The following ZC3H6 variants were observed in gnomAD, a reference collection of about 807,000 sequenced individuals.
The protein encoded by ZC3H6 is zinc finger CCCH-type containing 6, also known as zinc finger CCCH domain-containing protein 6.
Under a neutral mutation model 107.7 loss-of-function variants are expected in ZC3H6, and 40 were observed. The observed-to-expected ratio is 0.37, with a 90% CI of 0.29 to 0.48. The LOEUF is 0.48. Among genes scored for constraint, ZC3H6 ranks in the 20% least tolerant of loss-of-function variants. ZC3H6 has a pLI of 0.98. For synonymous variants in ZC3H6, 493 were observed against 487.9 expected (o/e 1.01, Z -0.14); for missense variants, 1,267 against 1,410.4 (o/e 0.90, Z 1.63).
At chr2:112,317,858 T>C (rs1250812981) in intron 7 of ZC3H6, among the ~76,000 whole-genome samples, 1 of 152,230 alleles carries the variant, frequency 6.6e-6, no homozygotes, top group African/African-American at 2.4e-5. Context: ...TTCTGCAATT[T>C]TTCCATGTTA....
At chr2:112,310,783 A>G (rs1676578025) in intron 4 of ZC3H6, among the ~76,000 whole-genome samples, 1 of 152,196 alleles carries the variant, frequency 6.6e-6, no homozygotes. Flanking sequence ...GTGGAGCAAT[A>G]TGAGACTGAA....
At chr2:112,292,271 A>G (rs1676136249) in intron 1 of ZC3H6, among the ~76,000 whole-genome samples, 1 of 152,196 alleles carries the variant, frequency 6.6e-6, no homozygotes, top group African/African-American at 2.4e-5. Context: ...AGAGCAGATG[A>G]TTACGTATTC....
rs1285002184 is a variant in ZC3H6, at chr2:112,299,930, A to G, written c.114A>G (p.Glu38=). The G allele has an allele frequency of 2.0e-6, 3 of 1,517,308 alleles. No individual in the cohort carries two copies. The Admixed American group carries it at 6.6e-5, about 34-fold the overall frequency. 94.0% of individuals were successfully genotyped at this position (1,517,308 alleles called of 1,614,324 possible). A position where few individuals can be genotyped will look rare whatever the true frequency, so the allele number is the denominator to read the frequency against. ...AAGAAAAAGAAGCAAAAGAGAATGA[A>G]AAGCAGAAAAGTGAGAAAGCCTACA... ...EIQEKEAKEN[E]KQKSEKAYRK... is the part of the protein sequence containing the mutation. Residue 38 remains glutamate (E), a synonymous_variant, in exon 2 of 12, where the codon GAA becomes GAG. Coordinates refer to ENST00000409871, the MANE Select transcript of ZC3H6 (RefSeq NM_198581.3).
At chr2:112,309,016 C>G (rs1676544383) in intron 3 of ZC3H6, among the ~76,000 whole-genome samples, 1 of 152,004 alleles carries the variant, frequency 6.6e-6, no homozygotes, top group Non-Finnish European at 1.5e-5. Context: ...CATGCCACTG[C>G]ACTCCAGCCT....
chr2:112,291,747 C>T (rs56935503), intron 1 of ZC3H6, among the ~76,000 whole-genome samples: 1 of 152,200 alleles, frequency 6.6e-6, no homozygotes, highest in East Asian at 1.9e-4. Flanking sequence ...GAGACAGAGT[C>T]TCATTCTGTC....
intron 1 of ZC3H6, among the ~76,000 whole-genome samples, chr2:112,276,720 C>T (rs1047842308): frequency 1.3e-5 from 2 of 152,142 alleles, no homozygotes; most frequent in Non-Finnish European, 2.9e-5. Flanking sequence ...ATTTTTTGCT[C>T]TGTGCCTTAA....
At position 112,339,209 on chromosome 2, in the gene ZC3H6, A is replaced by G. The variant is rs1677198299; in HGVS notation, c.*6721A>G. 6.6e-6 allele frequency: 1 copy of G among 152,038 alleles called. No individual in the cohort carries two copies. Among genetic ancestry groups the G allele is most frequent in the African/African-American group, 2.4e-5 (1 of 41,434 alleles). 9.4% of individuals were successfully genotyped at this position (152,038 alleles called of 1,614,324 possible). Reference sequence around the variant, plus strand: ...ACACCTGGCCTAGACTATACCTTTTATACACTTTTTAAATAGAGAAAGTGA... The same window carrying G: ...ACACCTGGCCTAGACTATACCTTTTGTACACTTTTTAAATAGAGAAAGTGA... On this transcript the variant is annotated 3_prime_UTR_variant, in exon 12 of 12. Transcript: ENST00000409871.
Position 112,299,816 on chromosome 2 carries a change from T to C in ZC3H6, c.33-33T>C, listed in dbSNP as rs747448300. The stretch of plus-strand genomic sequence containing the variant: ...TCTTTCTGTAAGATTTGTTTTAGAA[T>C]GATATTTGAAAATTAAAATTTTCCT... On this transcript the variant is annotated intron_variant, in intron 1 of 11. Coordinates refer to ENST00000409871, the MANE Select transcript of ZC3H6 (RefSeq NM_198581.3). 5 of 1,326,174 alleles carry C rather than the reference T, an allele frequency of 3.8e-6. 1 individual carries two copies. The highest frequency in any genetic ancestry group is 7.3e-5 in the Admixed American group (2 of 27,304). 82.2% of individuals were successfully genotyped at this position (1,326,174 alleles called of 1,614,324 possible).
In ZC3H6 at chr2:112,331,933, A is replaced by T. The variant is rs771258192; in HGVS notation, c.3015A>T (p.Ser1005=). The change falls in exon 12 of 12, where the codon TCA becomes TCT. Residue 1005 remains serine, a synonymous_variant. Coordinates refer to ENST00000409871, the MANE Select transcript of ZC3H6 (RefSeq NM_198581.3). ...ACTTACCCAGATCAAACCCTGGTTC[A>T]TCACAGCCCTCAGGGGCAGGAACTA... ...APHLPRSNPG[S]SQPSGAGTSN... The T allele has an allele frequency of 6.2e-7, 1 of 1,614,010 alleles. No individual in the cohort carries two copies. Among genetic ancestry groups the T allele is most frequent in the African/African-American group, 1.3e-5 (1 of 75,074 alleles).
intron 1 of ZC3H6, among the ~76,000 whole-genome samples, chr2:112,291,557 C>T (rs1676118158): frequency 6.6e-6 from 1 of 152,164 alleles, no homozygotes; most frequent in South Asian, 2.1e-4. Context: ...TTATAAATAC[C>T]TTTAAGGAAT....
intron 9 of ZC3H6, among the ~76,000 whole-genome samples, 193 bp from the exon 10 acceptor site, chr2:112,323,959 T>C (rs890999861): frequency 9.2e-5 from 14 of 152,152 alleles, no homozygotes; most frequent in African/African-American, 3.4e-4. Context: ...AAGCAGCAAG[T>C]GGGCTAAAAT....
chr2:112,289,655 C>A lies in ZC3H6; in HGVS notation c.33-10194C>A, dbSNP rs1676062390. 2.0e-5 allele frequency among the ~76,000 whole-genome samples: 3 copies of A among 152,278 alleles called. No individual in the cohort carries two copies. The South Asian group carries it at 6.2e-4, about 32-fold the overall frequency. On this transcript the variant is annotated intron_variant, in intron 1 of 11. Coordinates refer to ENST00000409871, the MANE Select transcript of ZC3H6 (RefSeq NM_198581.3). ...CACTCTTCATCAACTTATCTGGGAC[C>A]CTGAAATGAAATAGGGTGACCCATT...
At position 112,334,362 on chromosome 2, in the gene ZC3H6, TTTATAA is replaced by T. The variant is rs1350857789; in HGVS notation, c.*1879_*1884del. The stretch of plus-strand genomic sequence containing the variant: ...TTTAGCAAATCTTTCATTCATGTAG[TTTATAA>T]TTATTGTGTCAAGCAGTGCTGTTTA... On this transcript the variant is annotated 3_prime_UTR_variant, in exon 12 of 12. Transcript: ENST00000409871. The T allele has an allele frequency of 1.3e-5, 2 of 152,156 alleles. No homozygotes were observed. The highest frequency in any genetic ancestry group is 1.3e-4 in the Admixed American group (2 of 15,282). 9.4% of individuals were successfully genotyped at this position (152,156 alleles called of 1,614,324 possible).
chr2:112,331,800 G>A lies in ZC3H6; in HGVS notation c.2882G>A (p.Gly961Glu). 1 of 1,613,718 alleles carries A rather than the reference G, an allele frequency of 6.2e-7. No individual in the cohort carries two copies. The highest frequency in any genetic ancestry group is 8.5e-7 in the Non-Finnish European group (1 of 1,179,856). The change falls in exon 12 of 12, where the codon GGA becomes GAA. Residue 961 changes from glycine (G) to glutamate (E), a missense_variant. Physicochemically the swap from Gly to Glu is moderately conservative, Grantham distance 98. Transcript: ENST00000409871. Reference protein sequence around the residue: ...GDSHGSGAKLGDPRLQKNFDP... With the variant: ...GDSHGSGAKLEDPRLQKNFDP... The stretch of plus-strand genomic sequence containing the variant: ...TCACACGGTTCAGGAGCTAAATTAG[G>A]AGATCCTAGACTACAAAAAAATTTT...
chr2:112,311,738 A>C lies in ZC3H6; in HGVS notation c.614-66A>C, dbSNP rs1676596682. On this transcript the variant is annotated intron_variant, in intron 4 of 11. Coordinates refer to ENST00000409871, the MANE Select transcript of ZC3H6 (RefSeq NM_198581.3). ...AGACTATTAAAATGTGCTGTTCCTT[A>C]TAAACTAATAAATTGAAAGGTATGC... 3.5e-6 allele frequency: 5 copies of C among 1,431,416 alleles called. No homozygotes were observed. In the South Asian group the frequency reaches 6.4e-5, roughly 18 times the overall value. The allele number at this position is 1,431,416 out of a possible 1,614,324, so 88.7% of individuals were successfully genotyped here.
intron 1 of ZC3H6, among the ~76,000 whole-genome samples, chr2:112,299,053 A>G (rs952734467): frequency 6.6e-6 from 1 of 152,086 alleles, no homozygotes; most frequent in African/African-American, 2.4e-5. Context: ...CGAGGCAGGC[A>G]GATCACGAGG....
chr2:112,276,804 A>G (rs1240450742), intron 1 of ZC3H6, among the ~76,000 whole-genome samples: 6 of 152,252 alleles, frequency 3.9e-5, no homozygotes, highest in South Asian at 2.1e-4. Flanking sequence ...AATTTTGGTT[A>G]TAATTCAAAT....
intron 1 of ZC3H6, among the ~76,000 whole-genome samples, chr2:112,295,599 T>C (rs2104702578): frequency 6.6e-6 from 1 of 152,302 alleles, no homozygotes; most frequent in South Asian, 2.1e-4. Flanking sequence ...TCCACATGCG[T>C]CCAAAGCTGA....
rs1365088032 is a variant in ZC3H6 at position 112,275,980 on chromosome 2, C to G, written c.-15C>G. ...GCAGACCTGCCCTCCAGCCCCGCCC[C>G]GTTCTTGACCAAACATGACAGACTC... On this transcript the variant is annotated 5_prime_UTR_variant, in exon 1 of 12. Coordinates refer to ENST00000409871, the MANE Select transcript of ZC3H6 (RefSeq NM_198581.3). 6.5e-7 allele frequency: 1 copy of G among 1,534,730 alleles called. No individual in the cohort carries two copies. The highest frequency in any genetic ancestry group is 8.8e-7 in the Non-Finnish European group (1 of 1,140,476).
Sources: gnomAD v4.1 joint callset for allele counts (sites outside exome capture counted in the v4.1 genomes callset) on GRCh38, gnomAD v4.1.1 for gene constraint, MANE v1.5 for transcripts, NCBI Gene and HGNC (gene_info 2026-07-23, HGNC 2026-07-21) for gene names.